The following MBNL3 variants were observed in gnomAD, a reference collection of about 807,000 sequenced individuals.
The protein encoded by MBNL3 is muscleblind like splicing regulator 3.
MBNL3 carries 6 observed loss-of-function variants against 24.5 expected under a neutral mutation model. The ratio of observed to expected loss-of-function variants is 0.25; its 90% CI spans 0.13 to 0.48. MBNL3 has a LOEUF of 0.48. Ranked by LOEUF, MBNL3 falls within the 20% of genes least tolerant of loss-of-function variation. MBNL3 has a pLI of 0.99. For synonymous variants in MBNL3, 100 were observed against 101.7 expected, an observed-to-expected ratio of 0.98 and a Z score of 0.10; for missense variants, 230 against 293.5, an observed-to-expected ratio of 0.78 and a Z score of 1.58.
intron 2 of MBNL3, among the ~76,000 whole-genome samples, chrX:132,409,106 A>T (rs1432592277): frequency 1.8e-5 from 2 of 112,353 alleles, no homozygotes; most frequent in Non-Finnish European, 3.8e-5. Context: ...TTTCAAAACG[A>T]CTTTAGAACT....
At chrX:132,400,510 G>A (rs758856546) in intron 3 of MBNL3, among the ~76,000 whole-genome samples, 2 of 111,970 alleles carry the variant, frequency 1.8e-5, no homozygotes, top group Admixed American at 9.5e-5. Flanking sequence ...GGGGTCTGAA[G>A]CTTAGACCAC....
At chrX:132,433,074 T>C (rs149723516) in intron 2 of MBNL3, among the ~76,000 whole-genome samples, 4,068 of 111,598 alleles carry the variant, frequency 0.036, 189 homozygotes, top group African/African-American at 0.13. Flanking sequence ...CGAAGCCACA[T>C]GCACAAGGAC....
At chrX:132,408,055 T>C (rs922012209) in intron 2 of MBNL3, among the ~76,000 whole-genome samples, 1 of 97,736 alleles carries the variant, frequency 1.0e-5, no homozygotes, top group African/African-American at 3.7e-5. Context: ...ATCTTAAATC[T>C]CTATCTCTAC....
At chrX:132,410,489 GA>G (rs760003948) in intron 2 of MBNL3, among the ~76,000 whole-genome samples, 47 of 106,955 alleles carry the variant, frequency 4.4e-4, no homozygotes, top group South Asian at 4.0e-3. Flanking sequence ...GAGTTAGAGA[GA>G]AAAAAAAAAT....
chrX:132,412,103 A>G (rs1412566940), intron 2 of MBNL3, among the ~76,000 whole-genome samples: 1 of 111,108 alleles, frequency 9.0e-6, no homozygotes, highest in Non-Finnish European at 1.9e-5. Flanking sequence ...TTTCCTATGA[A>G]TATAGACCCT....
intron 3 of MBNL3, among the ~76,000 whole-genome samples, chrX:132,396,616 A>ATATATATTCC (rs1569424798): frequency 8.5e-5 from 3 of 35,240 alleles, no homozygotes; most frequent in Admixed American, 4.9e-4. Flanking sequence ...ATATATATTC[A>ATATATATTCC]TATATATATT....
At chrX:132,454,066 TG>T (rs1946250996) in intron 1 of MBNL3, among the ~76,000 whole-genome samples, 1 of 111,691 alleles carries the variant, frequency 9.0e-6, no homozygotes, top group African/African-American at 3.3e-5. Flanking sequence ...CACTCTAGCC[TG>T]GGCAACAGAG....
At chrX:132,424,938 A>C (rs1022284687) in intron 2 of MBNL3, among the ~76,000 whole-genome samples, 13 of 111,471 alleles carry the variant, frequency 1.2e-4, no homozygotes, top group African/African-American at 3.3e-4. Flanking sequence ...TAAATGTCAC[A>C]TGCCACTAAA....
chrX:132,380,074 T>C (rs964773296), intron 8 of MBNL3, among the ~76,000 whole-genome samples: 15 of 112,546 alleles, frequency 1.3e-4, no homozygotes, highest in African/African-American at 4.8e-4. Flanking sequence ...TCTCTGAATG[T>C]TTTAGAGCCA....
intron 1 of MBNL3, among the ~76,000 whole-genome samples, chrX:132,454,825 A>C (rs1294664929): frequency 8.9e-6 from 1 of 112,417 alleles, no homozygotes; most frequent in East Asian, 2.8e-4. Flanking sequence ...TATGAGTGAA[A>C]TGCTGGGAGC....
At chrX:132,383,290 C>T (rs1297018877) in intron 7 of MBNL3, among the ~76,000 whole-genome samples, 1 of 112,236 alleles carries the variant, frequency 8.9e-6, no homozygotes. Flanking sequence ...TGGTGATTAA[C>T]AGAAACTCCA....
chrX:132,476,339 T>C (rs1486998155), intron 1 of MBNL3, among the ~76,000 whole-genome samples: 2 of 112,142 alleles, frequency 1.8e-5, no homozygotes, highest in Non-Finnish European at 3.8e-5. Context: ...TGGTTGCAAT[T>C]CTTGGGAAGA....
At chrX:132,456,208 C>T (rs1004573011) in intron 1 of MBNL3, among the ~76,000 whole-genome samples, 2 of 112,224 alleles carry the variant, frequency 1.8e-5, no homozygotes, top group African/African-American at 6.5e-5. Context: ...GCCCATTTCT[C>T]CTGTTATCCT....
At chrX:132,382,071 T>G (rs767576661) in intron 8 of MBNL3, 107 bp downstream of exon 8, 1 of 656,059 alleles carries the variant, frequency 1.5e-6, no homozygotes, top group Admixed American at 2.9e-5. Context: ...AATGTGACAA[T>G]GGCTTAAGAA....
chrX:132,423,525 C>T (rs981259062), intron 2 of MBNL3, among the ~76,000 whole-genome samples: 1 of 111,144 alleles, frequency 9.0e-6, no homozygotes, highest in Non-Finnish European at 1.9e-5. Context: ...TAATGCTGAC[C>T]ACAGCATTTC....
chrX:132,379,664 G>T lies in MBNL3; in HGVS notation c.*2C>A. 1 of 1,191,147 alleles carries T rather than the reference G, an allele frequency of 8.4e-7. No individual in the cohort carries two copies. The highest frequency in any genetic ancestry group is 1.1e-6 in the Non-Finnish European group (1 of 879,472). On this transcript the variant is annotated 3_prime_UTR_variant, in exon 9 of 9. Transcript: ENST00000370853. ...GATTCTGATACTCCATAACTCTGCT[G>T]TTCAGAATTTCAGCTGAAATGGAAA... is the stretch of plus-strand genomic sequence containing the variant.
At chrX:132,463,037 GA>G (rs1340687338) in intron 1 of MBNL3, among the ~76,000 whole-genome samples, 1 of 112,184 alleles carries the variant, frequency 8.9e-6, no homozygotes, top group Non-Finnish European at 1.9e-5. Flanking sequence ...CTCCTTTAAA[GA>G]AAAACTAAAG....
At chrX:132,425,982 T>C (rs1339163957) in intron 2 of MBNL3, among the ~76,000 whole-genome samples, 1 of 111,904 alleles carries the variant, frequency 8.9e-6, no homozygotes, top group Admixed American at 9.5e-5. Context: ...TAAAATGTGG[T>C]TGAGTGAGGA....
rs984160315 is a variant in MBNL3 at position 132,376,766 on chromosome X, A to G, written c.*2900T>C. Reference sequence around the variant, plus strand: ...TTCTTGAATAAAGATAATTTGAATAAGTCATTGCACATCTAGTTTAAAGAG... The same window carrying G: ...TTCTTGAATAAAGATAATTTGAATAGGTCATTGCACATCTAGTTTAAAGAG... On this transcript the variant is annotated 3_prime_UTR_variant, in exon 9 of 9. Transcript: ENST00000370853. 6.3e-5 allele frequency: 7 copies of G among 111,897 alleles called. No homozygotes were observed. Among genetic ancestry groups the G allele is most frequent in the African/African-American group, 2.3e-4 (7 of 30,852 alleles). 9.2% of individuals were successfully genotyped at this position (111,897 alleles called of 1,213,427 possible).
Sources: allele counts gnomAD v4.1 joint callset (sites outside exome capture counted in the v4.1 genomes callset), GRCh38; gene constraint gnomAD v4.1.1; transcripts MANE v1.5; gene names NCBI Gene and HGNC (gene_info 2026-07-23, HGNC 2026-07-21).